The following ASPRV1 variants were observed in gnomAD, a reference collection of about 807,000 sequenced individuals.
ASPRV1 encodes retroviral-like aspartic protease 1.
ASPRV1 carries 7 observed loss-of-function variants against 11.0 expected under a neutral mutation model. That is an observed-to-expected ratio of 0.64 (90% CI 0.36 to 1.20). ASPRV1 has a LOEUF of 1.20. Among genes scored for constraint, ASPRV1 ranks in the 50% most tolerant of loss-of-function variants. ASPRV1 has a pLI of 0.02. For synonymous variants in ASPRV1, 136 were observed against 138.4 expected, an observed-to-expected ratio of 0.98 and a Z score of 0.12; for missense variants, 299 against 320.0, an observed-to-expected ratio of 0.93 and a Z score of 0.50.
the ASPRV1 span, among the ~76,000 whole-genome samples, chr2:70,043,804 C>T: frequency 6.6e-6 from 1 of 152,202 alleles, no homozygotes. Flanking sequence ...GTCCAGCACT[C>T]CTGGTTACAT....
chr2:69,936,969 C>A, the ASPRV1 span: 1 of 582,430 alleles, frequency 1.7e-6, no homozygotes, highest in South Asian at 1.5e-5. Flanking sequence ...AAACTGAGGG[C>A]TACCAGGGTG....
At chr2:70,043,774 A>G in the ASPRV1 span, among the ~76,000 whole-genome samples, 1 of 152,200 alleles carries the variant, frequency 6.6e-6, no homozygotes, top group African/African-American at 2.4e-5. Flanking sequence ...AGTACATCAC[A>G]GTAAACCACA....
At chr2:70,029,798 C>T in the ASPRV1 span, among the ~76,000 whole-genome samples, 13 of 152,058 alleles carry the variant, frequency 8.5e-5, no homozygotes, top group African/African-American at 3.1e-4. Context: ...GAATTCTCAT[C>T]AAGGACCCCT....
the ASPRV1 span, among the ~76,000 whole-genome samples, chr2:69,947,269 G>A: frequency 2.8e-3 from 422 of 152,320 alleles, 4 homozygotes; most frequent in African/African-American, 9.6e-3. Flanking sequence ...TAATCAGGAT[G>A]GAACCTGGCC....
chr2:70,062,116 C>A, the ASPRV1 span, among the ~76,000 whole-genome samples: 1 of 151,622 alleles, frequency 6.6e-6, no homozygotes, highest in Non-Finnish European at 1.5e-5. Flanking sequence ...AGTGAAACCC[C>A]GTCTCTACTA....
the ASPRV1 span, among the ~76,000 whole-genome samples, chr2:69,992,171 A>C: frequency 6.6e-6 from 1 of 151,604 alleles, no homozygotes. Context: ...TGCCAGTGTG[A>C]GGACTATTCT....
chr2:69,951,030 A>G, the ASPRV1 span, among the ~76,000 whole-genome samples: 1 of 152,124 alleles, frequency 6.6e-6, no homozygotes, highest in African/African-American at 2.4e-5. Context: ...GAAAGAAAAT[A>G]CATTCATATG....
At chr2:69,969,048 G>C in the ASPRV1 span, among the ~76,000 whole-genome samples, 1 of 152,128 alleles carries the variant, frequency 6.6e-6, no homozygotes. Flanking sequence ...GTATCTCCTT[G>C]GTCAATGACC....
At chr2:70,006,934 C>T in the ASPRV1 span, among the ~76,000 whole-genome samples, 4 of 152,132 alleles carry the variant, frequency 2.6e-5, no homozygotes, top group African/African-American at 9.6e-5. Context: ...TGGGGCCTGG[C>T]TGCCTGGGTT....
At chr2:70,006,005 A>G in the ASPRV1 span, among the ~76,000 whole-genome samples, 1 of 152,242 alleles carries the variant, frequency 6.6e-6, no homozygotes, top group East Asian at 1.9e-4. Context: ...TTTGAGCTGG[A>G]TAATTCTTTG....
chr2:70,048,151 C>T, the ASPRV1 span, among the ~76,000 whole-genome samples: 1 of 145,506 alleles, frequency 6.9e-6, no homozygotes, highest in African/African-American at 2.6e-5. Context: ...CATGGTGGCT[C>T]ACCCCTGTAA....
the ASPRV1 span, chr2:69,935,415 A>G: frequency 6.2e-7 from 1 of 1,614,162 alleles, no homozygotes; most frequent in Non-Finnish European, 8.5e-7. Flanking sequence ...ACCCGAATCA[A>G]GTCGACACAC....
chr2:70,082,807 T>C, the ASPRV1 span, among the ~76,000 whole-genome samples: 4 of 152,108 alleles, frequency 2.6e-5, no homozygotes, highest in East Asian at 1.9e-4. Context: ...GGTGGGAGGA[T>C]TGCTTGAGCC....
the ASPRV1 span, among the ~76,000 whole-genome samples, chr2:69,992,818 T>G: frequency 6.6e-6 from 1 of 152,198 alleles, no homozygotes; most frequent in African/African-American, 2.4e-5. Flanking sequence ...TAAATTAGAT[T>G]TGCAAAATGT....
At chr2:70,053,242 C>G in the ASPRV1 span, among the ~76,000 whole-genome samples, 613 of 152,144 alleles carry the variant, frequency 4.0e-3, 2 homozygotes, top group African/African-American at 0.014. Context: ...TCAGATCTAT[C>G]TGCTCTTACA....
the ASPRV1 span, among the ~76,000 whole-genome samples, chr2:70,066,968 T>C: frequency 6.6e-6 from 1 of 152,098 alleles, no homozygotes; most frequent in African/African-American, 2.4e-5. Flanking sequence ...AAATTAAGAC[T>C]GGAAGCAGTG....
the ASPRV1 span, among the ~76,000 whole-genome samples, chr2:70,034,715 C>G: frequency 6.6e-6 from 1 of 152,128 alleles, no homozygotes; most frequent in South Asian, 2.1e-4. Flanking sequence ...CTGTATGAGA[C>G]CAACAATTCT....
At chr2:70,043,218 G>A in the ASPRV1 span, among the ~76,000 whole-genome samples, 3 of 152,108 alleles carry the variant, frequency 2.0e-5, no homozygotes, top group Admixed American at 2.0e-4. Flanking sequence ...AGGAGTTCAA[G>A]ACCAGCCTGG....
chr2:70,076,424 T>C, the ASPRV1 span, among the ~76,000 whole-genome samples: 1 of 152,240 alleles, frequency 6.6e-6, no homozygotes, highest in African/African-American at 2.4e-5. Context: ...ATTTTTATGA[T>C]AATAGCTGAC....
Sources: allele counts gnomAD v4.1 joint callset (sites outside exome capture counted in the v4.1 genomes callset), GRCh38; gene constraint gnomAD v4.1.1; transcripts MANE v1.5; gene names NCBI Gene and HGNC (gene_info 2026-07-23, HGNC 2026-07-21).